The following SRGAP2B variants were observed in gnomAD, a reference collection of about 807,000 sequenced individuals.
SRGAP2B encodes the protein SLIT-ROBO Rho GTPase activating protein 2B, also known as SLIT-ROBO Rho GTPase-activating protein 2B.
SRGAP2B carries 9 observed loss-of-function variants against 22.2 expected under a neutral mutation model. The ratio of observed to expected loss-of-function variants is 0.41; its 90% CI spans 0.24 to 0.71. The LOEUF (loss-of-function observed/expected upper bound fraction) is 0.71. SRGAP2B is among the 30% of genes least tolerant of loss of function. SRGAP2B has a pLI of 0.35. For missense variants in SRGAP2B, 114 were observed against 235.8 expected, an observed-to-expected ratio of 0.48 and a Z score of 3.38; for synonymous variants, 36 against 87.4, an observed-to-expected ratio of 0.41 and a Z score of 3.28.
At chr1:144,963,854 C>A (rs1553611662) in intron 3 of SRGAP2B, among the ~76,000 whole-genome samples, 1 of 151,528 alleles carries the variant, frequency 6.6e-6, no homozygotes, top group East Asian at 1.9e-4. Context: ...CCAGAAACTC[C>A]TCCTGGCTAG....
chr1:145,041,077 A>G (rs1413489798), intron 2 of SRGAP2B, among the ~76,000 whole-genome samples: 9 of 35,076 alleles, frequency 2.6e-4, no homozygotes, highest in East Asian at 2.0e-3. Context: ...TATATATAGT[A>G]TATATATATA....
chr1:144,980,646 G>A (rs1419775164), intron 3 of SRGAP2B, among the ~76,000 whole-genome samples: 27 of 147,358 alleles, frequency 1.8e-4, no homozygotes, highest in African/African-American at 5.1e-4. Context: ...AAGGAGCAAC[G>A]ACAGTGGAGA....
At chr1:144,943,175 A>C (rs1421939358) in intron 4 of SRGAP2B, among the ~76,000 whole-genome samples, 1 of 135,968 alleles carries the variant, frequency 7.4e-6, no homozygotes, top group Non-Finnish European at 1.5e-5. Context: ...TTTGCAGGAC[A>C]TCTGGCTTGG....
At chr1:144,926,990 C>T (rs1237394281) in intron 4 of SRGAP2B, among the ~76,000 whole-genome samples, 1 of 151,794 alleles carries the variant, frequency 6.6e-6, no homozygotes, top group Non-Finnish European at 1.5e-5. Context: ...CACTCAGTTG[C>T]CCAGGCTGGA....
chr1:145,011,642 A>G (rs1280335082), intron 2 of SRGAP2B, among the ~76,000 whole-genome samples: 3 of 147,000 alleles, frequency 2.0e-5, no homozygotes, highest in African/African-American at 5.3e-5. Context: ...ACAAATTCCC[A>G]ATCCAATTCA....
intron 4 of SRGAP2B, among the ~76,000 whole-genome samples, chr1:144,950,477 C>T (rs2101911783): frequency 8.2e-6 from 1 of 122,008 alleles, no homozygotes; most frequent in South Asian, 2.9e-4. Context: ...CCAATTCTCA[C>T]ATTTAATGAG....
At chr1:145,009,359 C>A (rs199490575) in intron 2 of SRGAP2B, among the ~76,000 whole-genome samples, 1 of 149,654 alleles carries the variant, frequency 6.7e-6, no homozygotes. Context: ...GAGGCCGAGG[C>A]GGGCGGATCA....
chr1:144,957,873 C>A (rs1387852624), intron 3 of SRGAP2B, among the ~76,000 whole-genome samples: 2 of 147,638 alleles, frequency 1.4e-5, no homozygotes, highest in African/African-American at 5.2e-5. Context: ...TTTAAAGGGG[C>A]AGATCTCATG....
At chr1:144,984,362 C>CAAAAAAAA (rs1340694809) in intron 3 of SRGAP2B, among the ~76,000 whole-genome samples, 1 of 111,086 alleles carries the variant, frequency 9.0e-6, no homozygotes, top group Non-Finnish European at 2.0e-5. Flanking sequence ...ACAACAACAA[C>CAAAAAAAA]AACAAAAAAA....
chr1:145,039,054 AT>A (rs1648965758), intron 2 of SRGAP2B, among the ~76,000 whole-genome samples: 1 of 90,354 alleles, frequency 1.1e-5, no homozygotes, highest in East Asian at 2.6e-4. Flanking sequence ...ATTTAATAAT[AT>A]TTAATAAATT....
intron 2 of SRGAP2B, among the ~76,000 whole-genome samples, chr1:145,020,949 G>A (rs6600712): frequency 1.9e-4 from 29 of 148,872 alleles, no homozygotes; most frequent in Admixed American, 4.0e-4. Flanking sequence ...ACAAGCGTGC[G>A]CCACCATGCC....
At chr1:145,082,877 CA>C (rs1571160012) in intron 2 of SRGAP2B, among the ~76,000 whole-genome samples, 1 of 99,992 alleles carries the variant, frequency 1.0e-5, no homozygotes, top group South Asian at 3.8e-4. Flanking sequence ...ATGGCACTAT[CA>C]CATCCAAACT....
At position 144,964,424 on chromosome 1, in the gene SRGAP2B, G is replaced by A. The variant is rs1183617057; in HGVS notation, c.261-8823C>T. On this transcript the variant is annotated intron_variant, in intron 3 of 9. Transcript: ENST00000612199. ...TGTATCTGTGCTCACTCTCTGGGTG[G>A]CTACTGAATGACCAAATTTGTATGT... 1.1e-4 allele frequency among the ~76,000 whole-genome samples: 17 copies of A among 149,630 alleles called. 2 individuals carry two copies. The highest frequency in any genetic ancestry group is 3.8e-4 in the African/African-American group (15 of 39,512).
At chr1:145,025,904 CT>C (rs1647672865) in intron 2 of SRGAP2B, among the ~76,000 whole-genome samples, 1 of 151,076 alleles carries the variant, frequency 6.6e-6, no homozygotes. Flanking sequence ...ATCCTGAACG[CT>C]TTAACGCAAT....
chr1:144,997,107 C>A (rs1407252417), intron 2 of SRGAP2B, among the ~76,000 whole-genome samples: 1 of 150,486 alleles, frequency 6.6e-6, no homozygotes, highest in African/African-American at 2.5e-5. Flanking sequence ...AGAATGCTTA[C>A]TAATATTACT....
chr1:144,979,935 G>A (rs1353759962), intron 3 of SRGAP2B, among the ~76,000 whole-genome samples: 1 of 150,834 alleles, frequency 6.6e-6, no homozygotes, highest in Non-Finnish European at 1.5e-5. Flanking sequence ...ACAAAAAATG[G>A]CCTAATACAC....
intron 2 of SRGAP2B, among the ~76,000 whole-genome samples, chr1:145,005,950 C>A (rs1671559660): frequency 6.6e-6 from 1 of 150,638 alleles, no homozygotes; most frequent in South Asian, 2.1e-4. Flanking sequence ...CCTGCTCTGC[C>A]AGATTCAGTT....
At position 144,998,530 on chromosome 1, in the gene SRGAP2B, C is replaced by T. The variant is rs1311932428; in HGVS notation, c.68-3330G>A. Among the ~76,000 whole-genome samples, 20 of 147,978 alleles carry T rather than the reference C, an allele frequency of 1.4e-4. 1 individual carries two copies. The highest frequency in any genetic ancestry group is 4.4e-4 in the African/African-American group (17 of 38,590). On this transcript the variant is annotated intron_variant, in intron 2 of 9. Coordinates refer to ENST00000612199, the Ensembl canonical transcript of SRGAP2B. Reference sequence around the variant, plus strand: ...TTGTGATATGACACCATGAGCATCTCCCCTCCCTCACAACTGGCCAAAAAG... The same window carrying T: ...TTGTGATATGACACCATGAGCATCTTCCCTCCCTCACAACTGGCCAAAAAG...
chr1:144,969,718 T>A (rs1668356451), intron 3 of SRGAP2B, among the ~76,000 whole-genome samples: 1 of 150,346 alleles, frequency 6.7e-6, no homozygotes, highest in Admixed American at 6.6e-5. Context: ...AACTACAACA[T>A]GGGAGAAAAT....
Sources: gnomAD v4.1 joint callset for allele counts (sites outside exome capture counted in the v4.1 genomes callset) on GRCh38, gnomAD v4.1.1 for gene constraint, MANE v1.5 for transcripts, NCBI Gene and HGNC (gene_info 2026-07-23, HGNC 2026-07-21) for gene names.